ZNF229: variants seen among roughly 807,000 people sequenced by gnomAD.
The protein encoded by ZNF229 is zinc finger protein 229.
A neutral mutation model predicts 11.8 loss-of-function variants in ZNF229; 10 were observed. That is an observed-to-expected ratio of 0.85 (90% CI 0.52 to 1.44). The LOEUF is 1.44. Among genes scored for constraint, ZNF229 ranks in the 40% most tolerant of loss-of-function variants. The pLI is 0.00. For synonymous variants in ZNF229, 368 were observed against 374.8 expected, an observed-to-expected ratio of 0.98 and a Z score of 0.21; for missense variants, 1,045 against 1,015.1, an observed-to-expected ratio of 1.03 and a Z score of -0.40.
At chr19:44,430,584 G>T in intron 5 of ZNF229, 42 bp from the exon 6 acceptor site, 2 of 1,552,358 alleles carry the variant, frequency 1.3e-6, no homozygotes, top group South Asian at 1.2e-5. Flanking sequence ...ACTAGTAAAA[G>T]ACTGGCTCAG....
intron 2 of ZNF229, among the ~76,000 whole-genome samples, chr19:44,444,331 TA>T (rs2123382680): frequency 6.6e-6 from 1 of 152,040 alleles, no homozygotes; most frequent in African/African-American, 2.4e-5. Flanking sequence ...CACTGGATTT[TA>T]CTGCTTCAGG....
chr19:44,447,790 T>C (rs1399489580), intron 1 of ZNF229, among the ~76,000 whole-genome samples, 190 bp from the exon 2 acceptor site: 1 of 152,142 alleles, frequency 6.6e-6, no homozygotes, highest in Non-Finnish European at 1.5e-5. Context: ...GGACACGCCA[T>C]TCCTGATGCC....
intron 4 of ZNF229, among the ~76,000 whole-genome samples, chr19:44,437,310 T>C (rs1479716193): frequency 2.6e-5 from 4 of 152,108 alleles, no homozygotes; most frequent in Non-Finnish European, 5.9e-5. Flanking sequence ...TTAAACTTCT[T>C]TACAGTTACC....
rs1473192996 is a variant in ZNF229 at position 44,429,790 on chromosome 19, T to C, written c.991A>G (p.Arg331Gly). The C allele has an allele frequency of 6.2e-7, 1 of 1,614,114 alleles. No homozygotes were observed. Among genetic ancestry groups the C allele is most frequent in the South Asian group, 1.1e-5 (1 of 91,084 alleles). Reference sequence around the variant, plus strand: ...TGGTTACGTATGTGCGTGTTCTGTCTGACGCCCCGACCACGCTCAAGACTC... The same window carrying C: ...TGGTTACGTATGTGCGTGTTCTGTCCGACGCCCCGACCACGCTCAAGACTC... ...VKSLERGRGV[R>G]QNTHIRNHPR... The change falls in exon 6 of 6, where the codon AGA (arginine) becomes GGA (glycine). Residue 331 changes from arginine to glycine, a missense_variant. Physicochemically the swap from Arg to Gly is moderately radical, Grantham distance 125. Transcript: ENST00000614049.
intron 2 of ZNF229, among the ~76,000 whole-genome samples, chr19:44,443,595 C>T (rs190864868): frequency 4.1e-4 from 63 of 152,294 alleles, no homozygotes; most frequent in Admixed American, 3.2e-3. Flanking sequence ...TAAAACTCTG[C>T]ATGGCTCACT....
At chr19:44,430,665 T>C (rs998999402) in intron 5 of ZNF229, 123 bp from the exon 6 acceptor site, 2 of 868,564 alleles carry the variant, frequency 2.3e-6, no homozygotes, top group Middle Eastern at 3.5e-4. Flanking sequence ...TCATAACTAT[T>C]AGAGCACTTA....
At chr19:44,437,005 G>A (rs1346847425) in intron 4 of ZNF229, among the ~76,000 whole-genome samples, 2 of 151,596 alleles carry the variant, frequency 1.3e-5, no homozygotes, top group Admixed American at 6.6e-5. Flanking sequence ...TGGTATTTTG[G>A]TTGACTCGAA....
rs181482670 is a variant in ZNF229 at position 44,428,390 on chromosome 19, C to G, written c.2391G>C (p.Thr797=). Reference sequence around the variant, plus strand: ...TGAAGCCTTTCCCACACACACCACACGTATAGGGCTTCTCTCCAGTGTGGA... The same window carrying G: ...TGAAGCCTTTCCCACACACACCACAGGTATAGGGCTTCTCTCCAGTGTGGA... ...QRVHTGEKPY[T]CGVCGKGFSY... The change falls in exon 6 of 6, where the codon ACG becomes ACC. Residue 797 remains threonine (T), a synonymous_variant. Coordinates refer to ENST00000614049, the MANE Select transcript of ZNF229 (RefSeq NM_014518.4). 6.2e-7 allele frequency: 1 copy of G among 1,614,118 alleles called. No homozygotes were observed. The highest frequency in any genetic ancestry group is 1.3e-5 in the African/African-American group (1 of 74,978).
At chr19:44,438,073 C>T (rs1971844694) in intron 4 of ZNF229, among the ~76,000 whole-genome samples, 2 of 152,130 alleles carry the variant, frequency 1.3e-5, no homozygotes, top group Non-Finnish European at 2.9e-5. Context: ...CCATGCCATG[C>T]AATTCACCTA....
chr19:44,430,205 A>C lies in ZNF229; in HGVS notation c.576T>G (p.Phe192Leu), dbSNP rs1971692320. Residue 192 changes from phenylalanine (F) to leucine (L), a missense_variant, in exon 6 of 6, where the codon TTT (phenylalanine) becomes TTG (leucine). By Grantham distance (22) the Phe-to-Leu change is conservative. Transcript: ENST00000614049. ...CTTGAACATCCCCTAACTGGTTCACAAACGCTTTTGCCCAAGATCCTTGAA... is the reference window on the plus strand; with the variant it reads ...CTTGAACATCCCCTAACTGGTTCACCAACGCTTTTGCCCAAGATCCTTGAA... ...IPIQGSWAKA[F>L]VNQLGDVQER... is the part of the protein sequence containing the mutation. 6.2e-7 allele frequency: 1 copy of C among 1,613,990 alleles called. No homozygotes were observed. The highest frequency in any genetic ancestry group is 1.3e-5 in the African/African-American group (1 of 74,840).
Position 44,448,354 on chromosome 19 carries a change from C to G in ZNF229, c.-311G>C, listed in dbSNP as rs1972039303. The G allele has an allele frequency of 6.6e-6, 1 of 152,428 alleles. No homozygotes were observed. Among genetic ancestry groups the G allele is most frequent in the Non-Finnish European group, 1.5e-5 (1 of 68,178 alleles). 9.4% of individuals were successfully genotyped at this position (152,428 alleles called of 1,614,324 possible). The stretch of plus-strand genomic sequence containing the variant: ...CCGTGGGCTTCGACCCTCCGCCGCA[C>G]GTTGTCCCTTCACACTGGTCCTATA... On this transcript the variant is annotated 5_prime_UTR_variant, in exon 1 of 6. Coordinates refer to ENST00000614049, the MANE Select transcript of ZNF229 (RefSeq NM_014518.4).
chr19:44,433,881 C>T (rs1971767710), intron 4 of ZNF229, among the ~76,000 whole-genome samples: 1 of 152,172 alleles, frequency 6.6e-6, no homozygotes, highest in East Asian at 1.9e-4. Flanking sequence ...ATTCTCCTGT[C>T]TCAGCCTCCT....
chr19:44,429,320 C>T lies in ZNF229; in HGVS notation c.1461G>A (p.Arg487=). 6.2e-7 allele frequency: 1 copy of T among 1,614,088 alleles called. No homozygotes were observed. Among genetic ancestry groups the T allele is most frequent in the African/African-American group, 1.3e-5 (1 of 74,996 alleles). Residue 487 remains arginine (R), a synonymous_variant, in exon 6 of 6, where the codon AGG becomes AGA. Transcript: ENST00000614049. The part of the protein sequence containing the change: ...SSHQKTHTGE[R]PYQCDKCGKG... ...TGCCACACTTGTCACACTGGTAGGG[C>T]CTCTCGCCGGTGTGTGTCTTCTGAT...
Position 44,428,128 on chromosome 19 carries a change from T to C in ZNF229, c.*175A>G. On this transcript the variant is annotated 3_prime_UTR_variant, in exon 6 of 6. Coordinates refer to ENST00000614049, the MANE Select transcript of ZNF229 (RefSeq NM_014518.4). Reference sequence around the variant, plus strand: ...TAAAGACTGAAGTTTGTAACTGAAGTGCTAACCTATTTATCACACATCCAG... The same window carrying C: ...TAAAGACTGAAGTTTGTAACTGAAGCGCTAACCTATTTATCACACATCCAG... 1.5e-6 allele frequency: 1 copy of C among 667,048 alleles called. No individual in the cohort carries two copies. The highest frequency in any genetic ancestry group is 2.5e-6 in the Non-Finnish European group (1 of 405,426). The allele number at this position is 667,048 out of a possible 1,614,324, so 41.3% of individuals were successfully genotyped here.
At chr19:44,448,533 C>T (rs905690925), upstream of ZNF229, 1 of 152,186 alleles carries the variant, frequency 6.6e-6, no homozygotes, top group Non-Finnish European at 1.5e-5. Context: ...TTCCCAGAAC[C>T]CTCCGCAGCG....
Position 44,430,164 on chromosome 19 carries a change from A to G in ZNF229, c.617T>C (p.Leu206Pro). ...TTTATATACTGTGTCTTCTGTGTCG[A>G]GATTTTTACATCTTTCTTGAACATC... ...LGDVQERCKN[L>P]DTEDTVYKCN... Residue 206 changes from leucine (L) to proline (P), a missense_variant, in exon 6 of 6, where the codon CTC becomes CCC. Leu to Pro is a moderately conservative substitution (Grantham distance 98). Transcript: ENST00000614049. 1 of 1,614,102 alleles carries G rather than the reference A, an allele frequency of 6.2e-7. No homozygotes were observed. The highest frequency in any genetic ancestry group is 8.5e-7 in the Non-Finnish European group (1 of 1,180,038).
chr19:44,436,685 C>T (rs1971820367), intron 4 of ZNF229, among the ~76,000 whole-genome samples: 1 of 151,448 alleles, frequency 6.6e-6, no homozygotes, highest in Non-Finnish European at 1.5e-5. Flanking sequence ...GGAAGAATCA[C>T]TTGAGCCTGG....
At chr19:44,436,642 G>A (rs566438477) in intron 4 of ZNF229, among the ~76,000 whole-genome samples, 1 of 150,764 alleles carries the variant, frequency 6.6e-6, no homozygotes, top group Non-Finnish European at 1.5e-5. Flanking sequence ...AGCTAGGTGT[G>A]ATGGCGCACC....
rs774313445 is a variant in ZNF229 at position 44,429,879 on chromosome 19, C to T, written c.902G>A (p.Gly301Asp). 5 of 1,614,020 alleles carry T rather than the reference C, an allele frequency of 3.1e-6. No homozygotes were observed. In the South Asian group the frequency reaches 5.5e-5, roughly 18 times the overall value. Residue 301 changes from glycine to aspartate, a missense_variant, in exon 6 of 6, where the codon GGC becomes GAC. Physicochemically the swap from Gly to Asp is moderately conservative, Grantham distance 94 (BLOSUM62 -1). Transcript: ENST00000614049. Reference sequence around the variant, plus strand: ...GTTAAGATGGGCACTGTGCCTCAAGCCCTCACTAAACTCATCATATTGACA... The same window carrying T: ...GTTAAGATGGGCACTGTGCCTCAAGTCCTCACTAAACTCATCATATTGACA... ...KLCQYDEFSE[G>D]LRHSAHLNRH...
Sources: allele counts gnomAD v4.1 joint callset (sites outside exome capture counted in the v4.1 genomes callset), GRCh38; gene constraint gnomAD v4.1.1; transcripts MANE v1.5; gene names NCBI Gene and HGNC (gene_info 2026-07-23, HGNC 2026-07-21).